Variants in PALM2AKAP2 observed in about 807,000 individuals in gnomAD.
The protein encoded by PALM2AKAP2 is PALM2-AKAP2 fusion protein.
In PALM2AKAP2, 37 loss-of-function variants were observed where a neutral mutation model predicts 71.5. The observed-to-expected ratio is 0.52, with a 90% CI of 0.40 to 0.68. PALM2AKAP2 has a LOEUF of 0.68. Among genes scored for constraint, PALM2AKAP2 ranks in the 30% least tolerant of loss-of-function variants. PALM2AKAP2 has a pLI of 0.00. For missense variants in PALM2AKAP2, 1,224 were observed against 1,191.8 expected (o/e 1.03, Z -0.40); for synonymous variants, 468 against 478.8 (o/e 0.98, Z 0.29).
chr9:109,680,987 A>G (rs7022696), intron 1 of PALM2AKAP2, among the ~76,000 whole-genome samples: 98,790 of 152,062 alleles, frequency 0.65, 33,110 homozygotes, highest in African/African-American at 0.82. Flanking sequence ...CAGAAGAAAA[A>G]GTAAGTATAA....
chr9:110,121,917 A>G (rs903823127), intron 1 of PALM2AKAP2, among the ~76,000 whole-genome samples: 16 of 152,128 alleles, frequency 1.1e-4, no homozygotes, highest in African/African-American at 3.6e-4. Context: ...GAACTTACAG[A>G]GATTAGGAGA....
At chr9:110,007,463 A>G (rs759194305) in intron 6 of PALM2AKAP2, among the ~76,000 whole-genome samples, 4 of 152,356 alleles carry the variant, frequency 2.6e-5, no homozygotes, top group Non-Finnish European at 5.9e-5. Flanking sequence ...ATTTTTGTAC[A>G]ACATGATTCT....
At chr9:109,729,296 G>T (rs776330823) in intron 1 of PALM2AKAP2, among the ~76,000 whole-genome samples, 1 of 152,284 alleles carries the variant, frequency 6.6e-6, no homozygotes, top group Middle Eastern at 3.4e-3. Context: ...TAAAGTGGGT[G>T]CTGGGTACTT....
intron 3 of PALM2AKAP2, among the ~76,000 whole-genome samples, chr9:109,923,438 A>T (rs555844624): frequency 6.6e-6 from 1 of 152,308 alleles, no homozygotes; most frequent in Admixed American, 6.5e-5. Flanking sequence ...TCTCCCTCCA[A>T]ATAAGAAAGG....
At chr9:110,029,663 G>T (rs1329374613) in intron 7 of PALM2AKAP2, among the ~76,000 whole-genome samples, 2 of 152,152 alleles carry the variant, frequency 1.3e-5, no homozygotes, top group African/African-American at 2.4e-5. Context: ...TTTGCAACAA[G>T]GCTCATTTGC....
intron 3 of PALM2AKAP2, among the ~76,000 whole-genome samples, chr9:110,167,900 G>A (rs143649789): frequency 0.014 from 2,113 of 152,092 alleles, 31 homozygotes; most frequent in Non-Finnish European, 0.021. Context: ...TAGTCACATG[G>A]AGCTATTCAA....
chr9:109,714,679 G>T (rs1220345412), intron 1 of PALM2AKAP2, among the ~76,000 whole-genome samples: 2 of 152,158 alleles, frequency 1.3e-5, no homozygotes, highest in African/African-American at 2.4e-5. Context: ...TTGAACACCA[G>T]TAGAGGATGC....
At chr9:110,044,248 GA>G (rs1028040871), upstream of PALM2AKAP2, among the ~76,000 whole-genome samples, 2 of 152,016 alleles carry the variant, frequency 1.3e-5, no homozygotes, top group Admixed American at 6.6e-5. Flanking sequence ...TGTTTGGTGG[GA>G]AAGCCCCAGG....
chr9:109,889,365 G>A (rs1830037100), intron 3 of PALM2AKAP2, among the ~76,000 whole-genome samples: 1 of 152,038 alleles, frequency 6.6e-6, no homozygotes, highest in South Asian at 2.1e-4. Flanking sequence ...GTAATGAGTG[G>A]GAGTGAAAAA....
intron 1 of PALM2AKAP2, among the ~76,000 whole-genome samples, chr9:110,120,651 G>A (rs1047552113): frequency 2.6e-5 from 4 of 152,194 alleles, no homozygotes; most frequent in African/African-American, 9.6e-5. Flanking sequence ...TTACAGGCAT[G>A]TGCCACTACA....
At chr9:110,025,225 A>G in intron 7 of PALM2AKAP2, 1 of 1,166,688 alleles carries the variant, frequency 8.6e-7, no homozygotes, top group Non-Finnish European at 1.3e-6. Context: ...AACAGTACCC[A>G]TTCCCTTGAT....
chr9:109,864,927 G>T (rs1829408548), intron 1 of PALM2AKAP2, among the ~76,000 whole-genome samples: 1 of 151,890 alleles, frequency 6.6e-6, no homozygotes, highest in African/African-American at 2.4e-5. Flanking sequence ...TATAGTCCTA[G>T]CCAATCTGTT....
chr9:109,979,452 G>A (rs1449634728), intron 6 of PALM2AKAP2, among the ~76,000 whole-genome samples: 1 of 152,190 alleles, frequency 6.6e-6, no homozygotes, highest in Non-Finnish European at 1.5e-5. Context: ...TTACCCCACT[G>A]GGAATGTCAG....
intron 1 of PALM2AKAP2, among the ~76,000 whole-genome samples, chr9:110,135,299 CAAAAAAA>C (rs71373970): frequency 6.3e-3 from 46 of 7,252 alleles, no homozygotes; most frequent in African/African-American, 0.034. Context: ...AATCCCATCT[CAAAAAAA>C]AAAAAAAAAA....
At chr9:110,076,561 G>A (rs1319337619) in intron 1 of PALM2AKAP2, among the ~76,000 whole-genome samples, 2 of 144,252 alleles carry the variant, frequency 1.4e-5, no homozygotes, top group East Asian at 3.9e-4. Flanking sequence ...AAACTGGCAA[G>A]AATAAAATCT....
chr9:109,837,940 A>G (rs906283613), intron 1 of PALM2AKAP2, among the ~76,000 whole-genome samples: 1 of 152,208 alleles, frequency 6.6e-6, no homozygotes, highest in African/African-American at 2.4e-5. Flanking sequence ...GGAGACTTTA[A>G]CACCCCACTA....
At chr9:110,118,287 C>A (rs897588453) in intron 1 of PALM2AKAP2, among the ~76,000 whole-genome samples, 1 of 151,786 alleles carries the variant, frequency 6.6e-6, no homozygotes, top group Non-Finnish European at 1.5e-5. Context: ...TTGCCTATCA[C>A]CCAGGCTGGA....
chr9:109,882,233 T>C (rs1422187687), intron 3 of PALM2AKAP2, among the ~76,000 whole-genome samples: 2 of 152,180 alleles, frequency 1.3e-5, no homozygotes, highest in Non-Finnish European at 2.9e-5. Context: ...CAGCCATTTA[T>C]AACCAACAGC....
intron 1 of PALM2AKAP2, among the ~76,000 whole-genome samples, chr9:109,763,714 G>C (rs1829098044): frequency 6.6e-6 from 1 of 152,136 alleles, no homozygotes; most frequent in Non-Finnish European, 1.5e-5. Context: ...ATCTGTCCTT[G>C]CTTCTCTCCT....
Sources: allele counts gnomAD v4.1 joint callset (sites outside exome capture counted in the v4.1 genomes callset), GRCh38; gene constraint gnomAD v4.1.1; transcripts MANE v1.5; gene names NCBI Gene and HGNC (gene_info 2026-07-23, HGNC 2026-07-21).